The following ZBTB16 variants were observed in gnomAD, a reference collection of about 807,000 sequenced individuals.
ZBTB16 encodes the protein zinc finger and BTB domain containing 16.
In ZBTB16, 8 loss-of-function variants were observed where a neutral mutation model predicts 56.8. The observed-to-expected ratio is 0.14, with a 90% CI of 0.08 to 0.25. ZBTB16 has a LOEUF of 0.25. Ranked by LOEUF, ZBTB16 falls within the 10% of genes least tolerant of loss-of-function variation. The pLI is 1.00. For synonymous variants in ZBTB16, 363 were observed against 368.5 expected, an observed-to-expected ratio of 0.98 and a Z score of 0.17; for missense variants, 625 against 903.0, an observed-to-expected ratio of 0.69 and a Z score of 3.95.
intron 4 of ZBTB16, among the ~76,000 whole-genome samples, chr11:114,221,071 T>C (rs1944220256): frequency 6.6e-6 from 1 of 152,220 alleles, no homozygotes; most frequent in Non-Finnish European, 1.5e-5. Flanking sequence ...TGGAAGAGCC[T>C]ACCCACTCCC....
intron 1 of ZBTB16, among the ~76,000 whole-genome samples, chr11:114,062,578 C>A (rs1349951828): frequency 6.6e-6 from 1 of 152,208 alleles, no homozygotes; most frequent in East Asian, 1.9e-4. Flanking sequence ...TCTGCCAGTG[C>A]TTTGCAGCCC....
At chr11:114,129,371 G>A (rs527730467) in intron 2 of ZBTB16, among the ~76,000 whole-genome samples, 4 of 152,364 alleles carry the variant, frequency 2.6e-5, no homozygotes, top group South Asian at 4.1e-4. Context: ...GGATGGTGTC[G>A]TGTGTGGCAA....
At chr11:114,211,233 T>C (rs1943993167) in intron 4 of ZBTB16, among the ~76,000 whole-genome samples, 1 of 152,224 alleles carries the variant, frequency 6.6e-6, no homozygotes, top group Admixed American at 6.5e-5. Flanking sequence ...AAAGTGCAGA[T>C]TGATTTCTAC....
chr11:114,080,178 A>G (rs895410911), intron 2 of ZBTB16, among the ~76,000 whole-genome samples: 1 of 152,108 alleles, frequency 6.6e-6, no homozygotes, highest in Non-Finnish European at 1.5e-5. Context: ...CTGGAAGGTT[A>G]AAGGAGCTTG....
At chr11:114,228,074 C>A (rs1944365619) in intron 4 of ZBTB16, among the ~76,000 whole-genome samples, 2 of 152,072 alleles carry the variant, frequency 1.3e-5, no homozygotes, top group African/African-American at 4.8e-5. Flanking sequence ...GCCATTGGCT[C>A]CCTGGGCAGT....
chr11:114,187,484 G>A (rs760458727), intron 4 of ZBTB16: 20 of 244,404 alleles, frequency 8.2e-5, no homozygotes, highest in South Asian at 7.9e-4. Flanking sequence ...TAAAATCAGC[G>A]TGTACGCAGG....
intron 4 of ZBTB16, among the ~76,000 whole-genome samples, chr11:114,202,327 C>G (rs1943755262): frequency 1.3e-5 from 2 of 152,198 alleles, no homozygotes; most frequent in South Asian, 4.1e-4. Flanking sequence ...GGGCACTGAG[C>G]TTGGAATACA....
chr11:114,072,884 C>T (rs923693552), intron 2 of ZBTB16, among the ~76,000 whole-genome samples: 1 of 151,838 alleles, frequency 6.6e-6, no homozygotes, highest in Non-Finnish European at 1.5e-5. Flanking sequence ...AACCCCGTCT[C>T]TACTAAAAAT....
At chr11:114,225,985 T>C (rs1944320668) in intron 4 of ZBTB16, among the ~76,000 whole-genome samples, 1 of 152,192 alleles carries the variant, frequency 6.6e-6, no homozygotes, top group African/African-American at 2.4e-5. Context: ...TATGATTATG[T>C]AGTTAGTAAA....
intron 2 of ZBTB16, among the ~76,000 whole-genome samples, chr11:114,145,401 G>A (rs1027407693): frequency 6.6e-6 from 1 of 152,140 alleles, no homozygotes; most frequent in Non-Finnish European, 1.5e-5. Context: ...TAGCCAAAAG[G>A]TCAAAACAAC....
Position 114,186,885 on chromosome 11 carries a change from G to A in ZBTB16, c.1367-67G>A, listed in dbSNP as rs1319325445. The A allele has an allele frequency of 3.3e-6, 5 of 1,494,610 alleles. No homozygotes were observed. The South Asian group carries it at 3.4e-5, about 10-fold the overall frequency. 92.6% of individuals were successfully genotyped at this position (1,494,610 alleles called of 1,614,324 possible). ...CCCTAGTGTCTACCTGCACAGTTGT[G>A]GCCCAGGACCTCCCCGCTCACCAGT... On this transcript the variant is annotated intron_variant, in intron 3 of 6. Transcript: ENST00000335953.
chr11:114,248,054 C>T (rs553808793), intron 6 of ZBTB16, among the ~76,000 whole-genome samples: 336 of 152,266 alleles, frequency 2.2e-3, no homozygotes, highest in African/African-American at 5.8e-3. Context: ...TGTGCCACCA[C>T]GCCCAGCTAA....
intron 4 of ZBTB16, among the ~76,000 whole-genome samples, chr11:114,239,973 T>C (rs1944668962): frequency 6.6e-6 from 1 of 152,266 alleles, no homozygotes; most frequent in South Asian, 2.1e-4. Flanking sequence ...GGGATAAGAA[T>C]GCCTGCCTTG....
At chr11:114,179,591 G>GA (rs1394517658) in intron 3 of ZBTB16, among the ~76,000 whole-genome samples, 1 of 151,638 alleles carries the variant, frequency 6.6e-6, no homozygotes, top group Admixed American at 6.6e-5. Context: ...AAGGAATTTT[G>GA]AAAAAAAGGA....
chr11:114,253,579 G>T lies in ZBTB16; in HGVS notation c.*3024G>T, dbSNP rs114841704. Among the ~76,000 whole-genome samples the T allele has an allele frequency of 6.6e-6, 1 of 152,310 alleles. No homozygotes were observed. The highest frequency in any genetic ancestry group is 1.9e-4 in the East Asian group (1 of 5,184). ...GCACCTGGATGCCCCACCCAACCCC[G>T]TGGGCCCTGCAGACCCCAGTAGGGA... On this transcript the variant is annotated 3_prime_UTR_variant, in exon 7 of 7. Coordinates refer to ENST00000335953, the MANE Select transcript of ZBTB16 (RefSeq NM_006006.6).
Position 114,254,028 on chromosome 11 carries a change from T to C in ZBTB16, c.*3473T>C, listed in dbSNP as rs981612680. Among the ~76,000 whole-genome samples the C allele has an allele frequency of 1.3e-5, 2 of 152,106 alleles. No individual in the cohort carries two copies. The highest frequency in any genetic ancestry group is 6.5e-5 in the Admixed American group (1 of 15,272). ...AGCCTGGCAAGGCCACGTTGGTTAA[T>C]AGTCCCTTTCCCATGTCCAGCTCCT... On this transcript the variant is annotated 3_prime_UTR_variant, in exon 7 of 7. Coordinates refer to ENST00000335953, the MANE Select transcript of ZBTB16 (RefSeq NM_006006.6).
intron 3 of ZBTB16, among the ~76,000 whole-genome samples, chr11:114,158,992 C>T (rs1174258416): frequency 6.6e-6 from 1 of 152,238 alleles, no homozygotes; most frequent in Non-Finnish European, 1.5e-5. Context: ...CGTATTGTAT[C>T]CCTCTTCCAG....
Position 114,063,623 on chromosome 11 carries a change from T to C in ZBTB16, c.323T>C (p.Ile108Thr). 1 of 1,614,036 alleles carries C rather than the reference T, an allele frequency of 6.2e-7. No individual in the cohort carries two copies. Among genetic ancestry groups the C allele is most frequent in the Non-Finnish European group, 8.5e-7 (1 of 1,180,022 alleles). The change falls in exon 2 of 7, where the codon ATC becomes ACC. Residue 108 changes from isoleucine (I) to threonine (T), a missense_variant. Transcript: ENST00000335953. This position sits in a 1 kb window ranked among gnomAD's most constrained non-coding sequence, Gnocchi z 6.5. ...DLDDLLYAAE[I>T]LEIEYLEEQC... ...GATGACCTGCTGTATGCGGCCGAGA[T>C]CCTGGAGATCGAGTACCTGGAGGAA... is the stretch of plus-strand genomic sequence containing the variant.
chr11:114,186,004 C>T (rs548080677), intron 3 of ZBTB16, among the ~76,000 whole-genome samples: 3 of 152,262 alleles, frequency 2.0e-5, no homozygotes, highest in African/African-American at 7.2e-5. Flanking sequence ...ACGACACAGT[C>T]CCTCCTCCAG....
Sources: gnomAD v4.1 joint callset for allele counts (sites outside exome capture counted in the v4.1 genomes callset) on GRCh38, gnomAD v4.1.1 for gene constraint, Gnocchi (gnomAD v3.1) non-coding constraint, MANE v1.5 for transcripts, NCBI Gene and HGNC (gene_info 2026-07-23, HGNC 2026-07-21) for gene names.